The following REC114 variants were observed in gnomAD, a reference collection of about 807,000 sequenced individuals.
REC114 encodes meiotic recombination protein REC114.
A neutral mutation model predicts 31.3 loss-of-function variants in REC114; 27 were observed. That is an observed-to-expected ratio of 0.86 (90% CI 0.64 to 1.19). REC114 has a LOEUF of 1.19. Ranked by LOEUF, REC114 falls within the 50% of genes most tolerant of loss-of-function variation. The pLI is 0.00. For missense variants in REC114, 344 were observed against 326.9 expected (o/e 1.05, Z -0.40); for synonymous variants, 134 against 127.7 (o/e 1.05, Z -0.33).
chr15:73,476,919 G>T (rs1259069080), intron 2 of REC114, among the ~76,000 whole-genome samples: 1 of 152,192 alleles, frequency 6.6e-6, no homozygotes, highest in Non-Finnish European at 1.5e-5. Flanking sequence ...GTCATATGGT[G>T]TGTCTGTGTT....
In REC114 at chr15:73,556,276, C is replaced by T. The variant is rs770754178; in HGVS notation, c.547-26C>T. 1.9e-6 allele frequency: 3 copies of T among 1,595,986 alleles called. No individual in the cohort carries two copies. In the African/African-American group the frequency reaches 4.0e-5, roughly 21 times the overall value. ...ATTTAAGATTACATTCAGCTAGTCT[C>T]CTTATTGCATGTTGTTTTATTCCAG... is the stretch of plus-strand genomic sequence containing the variant. On this transcript the variant is annotated intron_variant, in intron 4 of 5. Transcript: ENST00000331090.
chr15:73,536,459 A>T (rs1894158082), intron 2 of REC114, among the ~76,000 whole-genome samples: 1 of 152,182 alleles, frequency 6.6e-6, no homozygotes, highest in Non-Finnish European at 1.5e-5. Flanking sequence ...CTGTGGTAGG[A>T]GCTCAGTGAT....
chr15:73,536,102 G>C (rs913885058), intron 2 of REC114, among the ~76,000 whole-genome samples: 7 of 151,938 alleles, frequency 4.6e-5, no homozygotes, highest in African/African-American at 1.5e-4. Flanking sequence ...TTACCATTCA[G>C]GACATAGGCA....
intron 3 of REC114, among the ~76,000 whole-genome samples, chr15:73,548,297 C>T (rs1312318059): frequency 2.0e-5 from 3 of 152,200 alleles, no homozygotes; most frequent in Non-Finnish European, 4.4e-5. Context: ...TTACTAGAGA[C>T]AGAGTTTCAC....
At chr15:73,550,102 A>T (rs1367980170) in intron 3 of REC114, among the ~76,000 whole-genome samples, 1 of 152,198 alleles carries the variant, frequency 6.6e-6, no homozygotes, top group Non-Finnish European at 1.5e-5. Flanking sequence ...AAAGGTATAC[A>T]ATATATACAG....
At chr15:73,457,026 G>A (rs1433116692) in intron 1 of REC114, among the ~76,000 whole-genome samples, 1 of 130,312 alleles carries the variant, frequency 7.7e-6, no homozygotes, top group African/African-American at 2.9e-5. Context: ...ATTTTACTTT[G>A]TTGGGTACAG....
chr15:73,453,240 A>G (rs555642963), intron 1 of REC114, among the ~76,000 whole-genome samples: 1 of 152,380 alleles, frequency 6.6e-6, no homozygotes, highest in East Asian at 1.9e-4. Flanking sequence ...TCCAGCTGAC[A>G]GAGGGCTAAT....
At chr15:73,532,250 T>G (rs1465601950) in intron 2 of REC114, among the ~76,000 whole-genome samples, 1 of 150,882 alleles carries the variant, frequency 6.6e-6, no homozygotes, top group East Asian at 1.9e-4. Flanking sequence ...TTTTTTGTTC[T>G]TGCGATAGTT....
At chr15:73,457,629 A>T (rs1372462018) in intron 1 of REC114, among the ~76,000 whole-genome samples, 2 of 152,082 alleles carry the variant, frequency 1.3e-5, no homozygotes, top group Non-Finnish European at 2.9e-5. Flanking sequence ...AGGAATTAAC[A>T]TCCTTTATTA....
intron 1 of REC114, among the ~76,000 whole-genome samples, chr15:73,445,311 T>TA (rs1357168653): frequency 2.6e-5 from 4 of 152,206 alleles, no homozygotes; most frequent in African/African-American, 9.6e-5. Context: ...TTGAATACGT[T>TA]AAAAAATCAG....
intron 2 of REC114, among the ~76,000 whole-genome samples, chr15:73,482,012 A>G (rs1213479840): frequency 1.3e-5 from 2 of 152,020 alleles, no homozygotes; most frequent in African/African-American, 2.4e-5. Flanking sequence ...CATTCCTATC[A>G]TTGTGCCACC....
intron 5 of REC114, among the ~76,000 whole-genome samples, chr15:73,557,976 A>G (rs1051197013): frequency 4.6e-5 from 7 of 152,236 alleles, no homozygotes; most frequent in Admixed American, 6.5e-5. Context: ...AATTGGAAAC[A>G]ACATAAATGT....
At chr15:73,555,783 A>G (rs186019375) in intron 4 of REC114, among the ~76,000 whole-genome samples, 2 of 152,280 alleles carry the variant, frequency 1.3e-5, no homozygotes, top group Admixed American at 1.3e-4. Flanking sequence ...AATATCTAAA[A>G]TGAGATTTAA....
chr15:73,499,082 T>C lies in REC114; in HGVS notation c.249+25161T>C, dbSNP rs537481290. On this transcript the variant is annotated intron_variant, in intron 2 of 5. Coordinates refer to ENST00000331090, the MANE Select transcript of REC114 (RefSeq NM_001042367.2). ...GCTAAACTCTTCCCCATGTCATTGG[T>C]CTACCAAGTATCTTAAAACTCTCCA... is the stretch of plus-strand genomic sequence containing the variant. 2.4e-4 allele frequency among the ~76,000 whole-genome samples: 36 copies of C among 152,202 alleles called. 1 individual carries two copies. In the South Asian group the frequency reaches 7.5e-3, roughly 32 times the overall value.
chr15:73,535,082 G>A (rs1286950072), intron 2 of REC114, among the ~76,000 whole-genome samples: 8 of 139,406 alleles, frequency 5.7e-5, no homozygotes. Flanking sequence ...CATACTGAAT[G>A]GGCAAAAACT....
chr15:73,463,174 T>C (rs1363929296), intron 1 of REC114, among the ~76,000 whole-genome samples: 1 of 152,190 alleles, frequency 6.6e-6, no homozygotes, highest in African/African-American at 2.4e-5. Context: ...GATTGGTGTA[T>C]CTTTTAATTT....
chr15:73,540,357 A>G, intron 2 of REC114, 128 bp from the exon 3 acceptor site: 4 of 748,930 alleles, frequency 5.3e-6, no homozygotes, highest in Non-Finnish European at 9.6e-6. Context: ...GGTTTTATTG[A>G]GTCATTGCTA....
intron 2 of REC114, among the ~76,000 whole-genome samples, chr15:73,513,665 A>G (rs922616150): frequency 9.9e-5 from 15 of 151,970 alleles, no homozygotes; most frequent in African/African-American, 3.6e-4. Flanking sequence ...CTTCTAACAA[A>G]CAGGACCCTC....
intron 1 of REC114, among the ~76,000 whole-genome samples, chr15:73,465,044 A>G (rs1053017485): frequency 3.3e-5 from 5 of 152,102 alleles, no homozygotes; most frequent in African/African-American, 1.2e-4. Context: ...GGTACCCACC[A>G]CCACGCCCAG....
Sources: gnomAD v4.1 joint callset for allele counts (sites outside exome capture counted in the v4.1 genomes callset) on GRCh38, gnomAD v4.1.1 for gene constraint, MANE v1.5 for transcripts, NCBI Gene and HGNC (gene_info 2026-07-23, HGNC 2026-07-21) for gene names.